RREB1: variants seen among roughly 807,000 people sequenced by gnomAD.
The protein encoded by RREB1 is ras-responsive element-binding protein 1.
In RREB1, 27 loss-of-function variants were observed where a neutral mutation model predicts 117.8. That is an observed-to-expected ratio of 0.23 (90% CI 0.17 to 0.32). The LOEUF is 0.32. RREB1 is among the 10% of genes least tolerant of loss of function. RREB1 has a pLI of 1.00. For synonymous variants in RREB1, 1,298 were observed against 1,026.7 expected, an observed-to-expected ratio of 1.26 and a Z score of -5.05; for missense variants, 2,577 against 2,378.2, an observed-to-expected ratio of 1.08 and a Z score of -1.74.
At chr6:7,241,058 C>T (rs961154628) in intron 11 of RREB1, among the ~76,000 whole-genome samples, 11 of 152,102 alleles carry the variant, frequency 7.2e-5, no homozygotes, top group East Asian at 1.9e-4. Context: ...ATTGTAGGAA[C>T]GAGGGGTGCG....
chr6:7,249,003 G>T lies in RREB1; in HGVS notation c.*35G>T, dbSNP rs1182627827. The T allele has an allele frequency of 4.9e-6, 7 of 1,429,690 alleles. No individual in the cohort carries two copies. In the Admixed American group the frequency reaches 1.1e-4, roughly 23 times the overall value. The allele number at this position is 1,429,690 out of a possible 1,614,324, so 88.6% of individuals were successfully genotyped here. A position where few individuals can be genotyped will look rare whatever the true frequency, so the allele number is the denominator to read the frequency against. On this transcript the variant is annotated 3_prime_UTR_variant, in exon 13 of 13. Coordinates refer to ENST00000379938, the MANE Select transcript of RREB1 (RefSeq NM_001003699.4). ...TCCCCCTCAGCACAGACAAAAGCCA[G>T]CAGAGCAAAGCGTCTATACTTCATG...
chr6:7,153,015 G>A (rs1290339798), intron 1 of RREB1, among the ~76,000 whole-genome samples: 1 of 150,776 alleles, frequency 6.6e-6, no homozygotes, highest in Non-Finnish European at 1.5e-5. Context: ...GAATTTTGTA[G>A]TCTTAAGTTG....
At chr6:7,115,832 C>T (rs1761372424) in intron 1 of RREB1, among the ~76,000 whole-genome samples, 1 of 152,156 alleles carries the variant, frequency 6.6e-6, no homozygotes, top group Non-Finnish European at 1.5e-5. Context: ...CCTCTCCCTT[C>T]CTTCTGGAAG....
At chr6:7,159,721 G>A (rs1448540946) in intron 1 of RREB1, among the ~76,000 whole-genome samples, 1 of 152,134 alleles carries the variant, frequency 6.6e-6, no homozygotes, top group Non-Finnish European at 1.5e-5. Context: ...TAGTAAGTAA[G>A]GAAAAAGCCT....
intron 1 of RREB1, among the ~76,000 whole-genome samples, chr6:7,164,339 G>A (rs1034363972): frequency 6.6e-6 from 1 of 152,040 alleles, no homozygotes; most frequent in Non-Finnish European, 1.5e-5. Context: ...GACTGTTAGG[G>A]GTTCAGTGGT....
chr6:7,222,113 G>A (rs1767296577), intron 8 of RREB1, among the ~76,000 whole-genome samples: 2 of 152,128 alleles, frequency 1.3e-5, no homozygotes, highest in Non-Finnish European at 2.9e-5. Flanking sequence ...CTTTTCTCTG[G>A]GAGTTCTAAC....
chr6:7,195,801 C>T (rs1321203870), intron 6 of RREB1, among the ~76,000 whole-genome samples: 4 of 152,144 alleles, frequency 2.6e-5, no homozygotes, highest in East Asian at 3.8e-4. Flanking sequence ...CAGGTGCCTC[C>T]GTTCCATCTT....
At chr6:7,233,880 G>A (rs1415147333) in intron 10 of RREB1, among the ~76,000 whole-genome samples, 1 of 152,200 alleles carries the variant, frequency 6.6e-6, no homozygotes. Context: ...TGGAGCCTGG[G>A]GAGGGAGAGG....
At chr6:7,246,146 G>A (rs1769002071) in intron 11 of RREB1, among the ~76,000 whole-genome samples, 1 of 152,222 alleles carries the variant, frequency 6.6e-6, no homozygotes, top group South Asian at 2.1e-4. Context: ...CCTTCCTGGG[G>A]GCGGGGGCAG....
At chr6:7,134,840 C>T (rs1209133630) in intron 1 of RREB1, among the ~76,000 whole-genome samples, 1 of 152,192 alleles carries the variant, frequency 6.6e-6, no homozygotes, top group African/African-American at 2.4e-5. Flanking sequence ...TTCTGAACCG[C>T]AAGTGGAGTT....
rs770075074 is a variant in RREB1 at position 7,231,531 on chromosome 6, G to A, written c.3432G>A (p.Gln1144=). 3.1e-6 allele frequency: 5 copies of A among 1,609,330 alleles called. No individual in the cohort carries two copies. The South Asian group carries it at 5.5e-5, about 18-fold the overall frequency. Reference sequence around the variant, plus strand: ...CAGAGGCTGCCTCTCCCACCGAGCAGGGCCCAGCGGGCACGTCGAAGAAGA... The same window carrying A: ...CAGAGGCTGCCTCTCCCACCGAGCAAGGCCCAGCGGGCACGTCGAAGAAGA... ...SSPEAASPTE[Q]GPAGTSKKRG... is the part of the protein sequence containing the mutation. Residue 1144 remains glutamine (Q), a synonymous_variant, in exon 10 of 13, where the codon CAG becomes CAA. Coordinates refer to ENST00000379938, the MANE Select transcript of RREB1 (RefSeq NM_001003699.4).
At chr6:7,130,150 C>T (rs1295605696) in intron 1 of RREB1, among the ~76,000 whole-genome samples, 3 of 152,202 alleles carry the variant, frequency 2.0e-5, no homozygotes, top group Admixed American at 1.3e-4. Context: ...AGTGCCTTCA[C>T]CTGCCCTCAC....
intron 8 of RREB1, among the ~76,000 whole-genome samples, chr6:7,219,452 C>T (rs915445899): frequency 4.6e-5 from 7 of 152,152 alleles, no homozygotes; most frequent in Non-Finnish European, 8.8e-5. Context: ...TCCCACCCCT[C>T]GCCCTATGTA....
chr6:7,129,639 C>G (rs1443731984), intron 1 of RREB1, among the ~76,000 whole-genome samples: 2 of 152,196 alleles, frequency 1.3e-5, no homozygotes, highest in Non-Finnish European at 2.9e-5. Context: ...TCTTTACAGC[C>G]ATAGACTTGT....
chr6:7,189,021 G>C (rs1765254078), intron 5 of RREB1, 138 bp from the exon 6 acceptor site: 1 of 767,314 alleles, frequency 1.3e-6, no homozygotes, highest in African/African-American at 1.8e-5. Flanking sequence ...CCTTCAGAAA[G>C]ATATTTAAAA....
At chr6:7,224,883 G>GT (rs777476886) in intron 8 of RREB1, among the ~76,000 whole-genome samples, 3 of 152,292 alleles carry the variant, frequency 2.0e-5, no homozygotes, top group South Asian at 4.1e-4. Context: ...CGGGTTTGGG[G>GT]TTCCAAAGGT....
rs574126739 is a variant in RREB1 at position 7,189,064 on chromosome 6, T to C, written c.262-95T>C. On this transcript the variant is annotated intron_variant, in intron 5 of 12. Transcript: ENST00000379938. Reference sequence around the variant, plus strand: ...GAAACACATAGCCAAGAAAGTTGATTGGTTTTTTTAATAAAGCTCTGGATC... The same window carrying C: ...GAAACACATAGCCAAGAAAGTTGATCGGTTTTTTTAATAAAGCTCTGGATC... The C allele has an allele frequency of 3.3e-6, 4 of 1,222,850 alleles. No homozygotes were observed. In the East Asian group the frequency reaches 1.1e-4, roughly 32 times the overall value. 75.7% of individuals were successfully genotyped at this position (1,222,850 alleles called of 1,614,324 possible).
rs1189298555 is a variant in RREB1, at chr6:7,181,957, TCCATCAACA to T, written c.51_59del (p.Ile17_Thr19del). On this transcript the variant is annotated inframe_deletion, in exon 4 of 13. Transcript: ENST00000379938. ...TGGCTTGGAAGGTTCAGACCTATCT[TCCATCAACA>T]CCATGATGTCGGCGGTCATGAGTGT... 20 of 1,614,092 alleles carry T rather than the reference TCCATCAACA, an allele frequency of 1.2e-5. No homozygotes were observed. Among genetic ancestry groups the T allele is most frequent in the Non-Finnish European group, 1.6e-5 (19 of 1,180,032 alleles).
intron 8 of RREB1, chr6:7,213,634 A>C (rs1766737876): frequency 6.6e-6 from 1 of 152,370 alleles, no homozygotes; most frequent in Non-Finnish European, 1.5e-5. Context: ...AAATACTGAA[A>C]TAGTTCTCTA....
Sources: allele counts gnomAD v4.1 joint callset (sites outside exome capture counted in the v4.1 genomes callset), GRCh38; gene constraint gnomAD v4.1.1; transcripts MANE v1.5; gene names NCBI Gene and HGNC (gene_info 2026-07-23, HGNC 2026-07-21).